Variants in SCN10A observed in about 807,000 individuals in gnomAD.
SCN10A encodes sodium channel protein type 10 subunit alpha.
In SCN10A, 162 loss-of-function variants were observed where a neutral mutation model predicts 170.7. That is an observed-to-expected ratio of 0.95 (90% CI 0.84 to 1.08). The LOEUF (loss-of-function observed/expected upper bound fraction) is 1.08. Among genes scored for constraint, SCN10A ranks in the 50% least tolerant of loss-of-function variants. SCN10A has a pLI of 0.00. For missense variants in SCN10A, 2,527 were observed against 2,436.9 expected (o/e 1.04, Z -0.78); for synonymous variants, 985 against 904.6 (o/e 1.09, Z -1.59).
chr3:38,785,355 A>T (rs989802912), intron 4 of SCN10A, among the ~76,000 whole-genome samples: 6 of 152,222 alleles, frequency 3.9e-5, no homozygotes, highest in African/African-American at 1.4e-4. Context: ...GATCTTTGAC[A>T]AACTTGACAA....
intron 22 of SCN10A, among the ~76,000 whole-genome samples, chr3:38,713,304 G>T (rs2063295944): frequency 6.6e-6 from 1 of 152,172 alleles, no homozygotes; most frequent in Non-Finnish European, 1.5e-5. Flanking sequence ...AGCTGATGAT[G>T]TCACTCATGG....
intron 20 of SCN10A, among the ~76,000 whole-genome samples, chr3:38,721,863 G>A (rs1559422257): frequency 6.6e-6 from 1 of 152,238 alleles, no homozygotes. Flanking sequence ...AGAGAAGGCC[G>A]TGTGTTGGGG....
chr3:38,729,447 C>G (rs1299097481), intron 15 of SCN10A, among the ~76,000 whole-genome samples: 3 of 152,132 alleles, frequency 2.0e-5, no homozygotes, highest in African/African-American at 7.2e-5. Flanking sequence ...ATGGACTCAG[C>G]ATTCATAAGT....
intron 10 of SCN10A, among the ~76,000 whole-genome samples, chr3:38,756,422 G>T (rs1042549034): frequency 2.0e-5 from 3 of 152,110 alleles, no homozygotes; most frequent in African/African-American, 7.2e-5. Context: ...TCCTTGTTTA[G>T]TTCCACCCTC....
intron 27 of SCN10A, among the ~76,000 whole-genome samples, chr3:38,701,137 A>G (rs1376508591): frequency 6.6e-6 from 1 of 152,202 alleles, no homozygotes; most frequent in African/African-American, 2.4e-5. Flanking sequence ...CAGTGCTCAG[A>G]ACTTAGGAAG....
chr3:38,718,869 C>T (rs2063359798), intron 20 of SCN10A, 43 bp from the exon 21 acceptor site: 1 of 1,595,668 alleles, frequency 6.3e-7, no homozygotes, highest in Admixed American at 1.7e-5. Flanking sequence ...TGCCTGGACC[C>T]ACAGCACTGG....
chr3:38,701,784 C>G (rs2063158293), intron 27 of SCN10A, 55 bp downstream of exon 27: 3 of 1,514,504 alleles, frequency 2.0e-6, no homozygotes, highest in African/African-American at 1.4e-5. Context: ...AGAAGAGCAT[C>G]CCAAAGACCC....
chr3:38,729,905 G>C (rs1458850694), intron 15 of SCN10A, among the ~76,000 whole-genome samples: 1 of 152,200 alleles, frequency 6.6e-6, no homozygotes, highest in African/African-American at 2.4e-5. Context: ...TATACAGTAA[G>C]TGCTGTATGC....
chr3:38,709,673 C>A, intron 24 of SCN10A, 58 bp from the exon 25 acceptor site: 1 of 1,461,952 alleles, frequency 6.8e-7, no homozygotes, highest in Admixed American at 2.3e-5. Flanking sequence ...CAGGTTCACT[C>A]TGAAAGCCAA....
At chr3:38,800,998 A>G (rs1259959355) in intron 1 of SCN10A, among the ~76,000 whole-genome samples, 1 of 152,136 alleles carries the variant, frequency 6.6e-6, no homozygotes, top group African/African-American at 2.4e-5. Context: ...TTGGTCTTTG[A>G]TTAAGACCTA....
chr3:38,698,928 A>G (rs1043981658), intron 27 of SCN10A, among the ~76,000 whole-genome samples: 1 of 152,090 alleles, frequency 6.6e-6, no homozygotes, highest in Non-Finnish European at 1.5e-5. Context: ...TTTTCCTATG[A>G]CACAGACCCT....
rs375401531 is a variant in SCN10A at position 38,761,263 on chromosome 3, T to C, written c.812A>G (p.Asn271Ser). ...ATTCTTGACACATTTATTTTTGAGG[T>C]TGCCCTTGAAGAGTTGCAGCCCCAC... ...ALVGLQLFKGNLKNKCVKNDM... is the reference protein window; with the variant it reads ...ALVGLQLFKGSLKNKCVKNDM... Residue 271 changes from asparagine to serine, a missense_variant, in exon 7 of 28, where the codon AAC (asparagine) becomes AGC (serine). Physicochemically the swap from Asn to Ser is conservative, Grantham distance 46 (BLOSUM62 1). Transcript: ENST00000449082. 1.2e-6 allele frequency: 2 copies of C among 1,613,944 alleles called. No homozygotes were observed. The highest frequency in any genetic ancestry group is 1.3e-5 in the African/African-American group (1 of 75,016).
At chr3:38,757,670 C>T (rs1311182470) in intron 8 of SCN10A, among the ~76,000 whole-genome samples, 2 of 152,210 alleles carry the variant, frequency 1.3e-5, no homozygotes, top group Non-Finnish European at 2.9e-5. Flanking sequence ...AATGTTCTTT[C>T]TTTACAGATA....
intron 2 of SCN10A, among the ~76,000 whole-genome samples, chr3:38,792,983 A>ATATATACATAAC (rs2064303029): frequency 6.6e-6 from 1 of 151,992 alleles, no homozygotes; most frequent in African/African-American, 2.4e-5. Flanking sequence ...TTATATACCT[A>ATATATACATAAC]TATATACATA....
intron 4 of SCN10A, among the ~76,000 whole-genome samples, chr3:38,776,599 A>T (rs986799986): frequency 6.6e-6 from 1 of 152,140 alleles, no homozygotes; most frequent in East Asian, 1.9e-4. Context: ...AATTCTATGA[A>T]TATAATAATT....
rs2063114690 is a variant in SCN10A at position 38,698,089 on chromosome 3, G to A, written c.5131C>T (p.Leu1711Phe). ...GCAATGTACATGTTGACCATGATGA[G>A]GAAGGAGATGATGATGTAGGTGGTG... Reference protein sequence around the residue: ...FFTTYIIISFLIMVNMYIAVI... With the variant: ...FFTTYIIISFFIMVNMYIAVI... The change falls in exon 28 of 28, where the codon CTC (leucine) becomes TTC (phenylalanine). Residue 1711 changes from leucine (L) to phenylalanine (F), a missense_variant. Physicochemically the swap from Leu to Phe is conservative, Grantham distance 22. Coordinates refer to ENST00000449082, the MANE Select transcript of SCN10A (RefSeq NM_006514.4). The A allele has an allele frequency of 6.2e-7, 1 of 1,614,152 alleles. No individual in the cohort carries two copies. Among genetic ancestry groups the A allele is most frequent in the Middle Eastern group, 1.6e-4 (1 of 6,062 alleles).
At chr3:38,704,502 T>C (rs2063189276) in intron 26 of SCN10A, among the ~76,000 whole-genome samples, 1 of 152,226 alleles carries the variant, frequency 6.6e-6, no homozygotes, top group South Asian at 2.1e-4. Context: ...TAGCCCACGG[T>C]CAGGGATCAT....
At chr3:38,779,804 G>A (rs184495331) in intron 4 of SCN10A, among the ~76,000 whole-genome samples, 163 of 151,830 alleles carry the variant, frequency 1.1e-3, no homozygotes, top group African/African-American at 3.8e-3. Flanking sequence ...AAATTATCAA[G>A]TGGAAAGTCC....
intron 13 of SCN10A, among the ~76,000 whole-genome samples, chr3:38,743,097 T>C (rs1052384202): frequency 1.3e-5 from 2 of 152,214 alleles, no homozygotes; most frequent in African/African-American, 4.8e-5. Context: ...TGACTGTTTC[T>C]CACTTCCTCT....
Sources: allele counts gnomAD v4.1 joint callset (sites outside exome capture counted in the v4.1 genomes callset), GRCh38; gene constraint gnomAD v4.1.1; transcripts MANE v1.5; gene names NCBI Gene and HGNC (gene_info 2026-07-23, HGNC 2026-07-21).